Variants in GALNT17 observed in about 807,000 individuals in gnomAD.
GALNT17 encodes polypeptide N-acetylgalactosaminyltransferase 17.
A neutral mutation model predicts 63.7 loss-of-function variants in GALNT17; 29 were observed. The ratio of observed to expected loss-of-function variants is 0.46; its 90% CI spans 0.34 to 0.62. The LOEUF is 0.62. Among genes scored for constraint, GALNT17 ranks in the 20% least tolerant of loss-of-function variants. The probability of loss-of-function intolerance (pLI) is 0.01; values close to 1 mark genes in which losing one functional copy is unlikely to be tolerated. For missense variants in GALNT17, 603 were observed against 799.6 expected (o/e 0.75, Z 2.97); for synonymous variants, 305 against 318.3 (o/e 0.96, Z 0.45).
intron 1 of GALNT17, among the ~76,000 whole-genome samples, chr7:71,266,343 G>A (rs901363690): frequency 3.3e-5 from 5 of 152,136 alleles, no homozygotes; most frequent in Non-Finnish European, 7.3e-5. Context: ...AATCATGGGA[G>A]CGGACTTCCC....
At chr7:71,585,325 A>G (rs939102265) in intron 6 of GALNT17, among the ~76,000 whole-genome samples, 6 of 152,176 alleles carry the variant, frequency 3.9e-5, no homozygotes, top group African/African-American at 1.4e-4. Flanking sequence ...CACTTAATTA[A>G]TGGTTTTAGC....
intron 1 of GALNT17, among the ~76,000 whole-genome samples, chr7:71,251,080 C>T (rs1790189318): frequency 6.6e-6 from 1 of 152,136 alleles, no homozygotes; most frequent in Non-Finnish European, 1.5e-5. Context: ...CAGGTTTGTA[C>T]ATATGTATAC....
In GALNT17 at chr7:71,563,247, G is replaced by T. The variant is rs149853232; in HGVS notation, c.963-8038G>T. ...GTAATCGCAGTTGACTTTGAAGGATGAGGCTGGAGACTCACGTTCTCTGAT... is the reference window on the plus strand; with the variant it reads ...GTAATCGCAGTTGACTTTGAAGGATTAGGCTGGAGACTCACGTTCTCTGAT... On this transcript the variant is annotated intron_variant, in intron 5 of 10. Coordinates refer to ENST00000333538, the MANE Select transcript of GALNT17 (RefSeq NM_022479.3). 1.7e-4 allele frequency among the ~76,000 whole-genome samples: 26 copies of T among 152,358 alleles called. 1 individual carries two copies. The highest frequency in any genetic ancestry group is 4.4e-5 in the Non-Finnish European group (3 of 68,032).
At chr7:71,668,853 C>T (rs890862312) in intron 7 of GALNT17, among the ~76,000 whole-genome samples, 26 of 152,122 alleles carry the variant, frequency 1.7e-4, no homozygotes, top group African/African-American at 6.0e-4. Context: ...TTCATTAGAA[C>T]ATCATTACAA....
At chr7:71,457,847 T>TC (rs1787382427) in intron 5 of GALNT17, among the ~76,000 whole-genome samples, 1 of 152,184 alleles carries the variant, frequency 6.6e-6, no homozygotes, top group African/African-American at 2.4e-5. Flanking sequence ...TGTCTGGGAA[T>TC]CCAGCCCAGT....
At chr7:71,290,872 T>A (rs983285219) in intron 1 of GALNT17, among the ~76,000 whole-genome samples, 44 of 152,298 alleles carry the variant, frequency 2.9e-4, no homozygotes, top group Admixed American at 2.0e-3. Flanking sequence ...GACATAATAT[T>A]GGACACAGAC....
intron 1 of GALNT17, among the ~76,000 whole-genome samples, chr7:71,224,291 G>A (rs1222406348): frequency 1.3e-5 from 2 of 152,052 alleles, no homozygotes; most frequent in African/African-American, 2.4e-5. Flanking sequence ...GGGATCCTTC[G>A]CCTTGTCCTC....
chr7:71,233,298 G>T (rs1024856236), intron 1 of GALNT17, among the ~76,000 whole-genome samples: 8 of 152,108 alleles, frequency 5.3e-5, no homozygotes, highest in Admixed American at 2.0e-4. Context: ...ACAGGACTAG[G>T]GTGAGGTGTT....
At chr7:71,149,137 C>T (rs762843902) in intron 1 of GALNT17, among the ~76,000 whole-genome samples, 1 of 151,868 alleles carries the variant, frequency 6.6e-6, no homozygotes, top group Non-Finnish European at 1.5e-5. Flanking sequence ...CCGGGACGCT[C>T]TCAAACTCAG....
intron 5 of GALNT17, among the ~76,000 whole-genome samples, chr7:71,529,846 G>A (rs1788685207): frequency 1.3e-5 from 2 of 152,170 alleles, no homozygotes; most frequent in Non-Finnish European, 2.9e-5. Context: ...CATTTGCTAA[G>A]CTAATTGTTC....
chr7:71,246,922 C>G (rs1414418196), intron 1 of GALNT17, among the ~76,000 whole-genome samples: 1 of 138,262 alleles, frequency 7.2e-6, no homozygotes, highest in Non-Finnish European at 1.5e-5. Context: ...AATGTAAATA[C>G]TTGTCTGTAC....
At chr7:71,148,247 AGCT>A (rs1197830532) in intron 1 of GALNT17, among the ~76,000 whole-genome samples, 1 of 152,232 alleles carries the variant, frequency 6.6e-6, no homozygotes, top group African/African-American at 2.4e-5. Context: ...ATAGTGTCAT[AGCT>A]CATGTCACTA....
At chr7:71,454,544 G>A (rs1787320989) in intron 5 of GALNT17, among the ~76,000 whole-genome samples, 1 of 152,188 alleles carries the variant, frequency 6.6e-6, no homozygotes, top group Non-Finnish European at 1.5e-5. Context: ...CATTCTGACA[G>A]CCTGGGAAGT....
intron 1 of GALNT17, among the ~76,000 whole-genome samples, chr7:71,188,152 C>G (rs1283989371): frequency 6.6e-6 from 1 of 151,756 alleles, no homozygotes; most frequent in African/African-American, 2.4e-5. Flanking sequence ...TGGGCTGATT[C>G]TGTGTTTTTG....
intron 5 of GALNT17, among the ~76,000 whole-genome samples, chr7:71,466,215 C>T (rs1376744571): frequency 6.6e-6 from 1 of 152,156 alleles, no homozygotes; most frequent in Non-Finnish European, 1.5e-5. Context: ...ACTAAATGGA[C>T]CACCCTCTTG....
At chr7:71,347,054 G>A (rs1432163372) in intron 2 of GALNT17, among the ~76,000 whole-genome samples, 6 of 152,064 alleles carry the variant, frequency 3.9e-5, no homozygotes, top group Non-Finnish European at 7.4e-5. Context: ...AGGTCTTCAC[G>A]CAGCAATGGG....
chr7:71,188,641 G>A (rs969925661), intron 1 of GALNT17, among the ~76,000 whole-genome samples: 6 of 152,026 alleles, frequency 3.9e-5, no homozygotes, highest in African/African-American at 1.2e-4. Flanking sequence ...ATCCTTTGTC[G>A]GTTGTGTAGA....
At chr7:71,528,930 T>G (rs1420903454) in intron 5 of GALNT17, among the ~76,000 whole-genome samples, 4 of 151,490 alleles carry the variant, frequency 2.6e-5, no homozygotes, top group African/African-American at 9.7e-5. Context: ...AGGTCAGGAG[T>G]TGGAGACCAA....
chr7:71,197,360 C>T lies in GALNT17; in HGVS notation c.238+64320C>T, dbSNP rs977974903. 3.6e-5 allele frequency among the ~76,000 whole-genome samples: 5 copies of T among 138,016 alleles called. No homozygotes were observed. In the East Asian group the frequency reaches 6.7e-4, roughly 19 times the overall value. The allele number at this position is 138,016 out of a possible 152,430, so 90.5% of individuals were successfully genotyped here. On this transcript the variant is annotated intron_variant, in intron 1 of 10. Coordinates refer to ENST00000333538, the MANE Select transcript of GALNT17 (RefSeq NM_022479.3). ...GACTACAGGCACCTGCCACCACGGC[C>T]GGCTAATTTTTTTTTTTTTTTGCAT...
Sources: gnomAD v4.1 joint callset for allele counts (sites outside exome capture counted in the v4.1 genomes callset) on GRCh38, gnomAD v4.1.1 for gene constraint, MANE v1.5 for transcripts, NCBI Gene and HGNC (gene_info 2026-07-23, HGNC 2026-07-21) for gene names.